NRXN3: variants seen among roughly 807,000 people sequenced by gnomAD.
NRXN3 encodes the protein neurexin III.
A neutral mutation model predicts 137.6 loss-of-function variants in NRXN3; 32 were observed. That is an observed-to-expected ratio of 0.23 (90% CI 0.18 to 0.31). The LOEUF (loss-of-function observed/expected upper bound fraction) is 0.31, where lower values mean the gene tolerates loss of function less well. NRXN3 is among the 10% of genes least tolerant of loss of function. The pLI, the probability that NRXN3 is intolerant of heterozygous loss-of-function variation, is 1.00. For missense variants in NRXN3, 1,574 were observed against 2,062.5 expected (o/e 0.76, Z 4.59); for synonymous variants, 798 against 784.5 (o/e 1.02, Z -0.29).
chr14:78,584,468 C>T (rs1314346490), intron 4 of NRXN3, among the ~76,000 whole-genome samples: 1 of 152,146 alleles, frequency 6.6e-6, no homozygotes, highest in Non-Finnish European at 1.5e-5. Context: ...AGGCTATGGT[C>T]CCAAAGGCTG....
intron 15 of NRXN3, among the ~76,000 whole-genome samples, chr14:79,384,220 G>A (rs2094543010): frequency 6.6e-6 from 1 of 152,068 alleles, no homozygotes; most frequent in South Asian, 2.1e-4. Flanking sequence ...CCCTTTAAGA[G>A]GTTTCTGTCC....
At chr14:78,467,826 A>G (rs2095154741) in intron 4 of NRXN3, among the ~76,000 whole-genome samples, 1 of 152,168 alleles carries the variant, frequency 6.6e-6, no homozygotes, top group Non-Finnish European at 1.5e-5. Flanking sequence ...CCACACAGAC[A>G]CACATACACA....
intron 1 of NRXN3, among the ~76,000 whole-genome samples, chr14:78,174,415 G>A (rs560958082): frequency 3.3e-5 from 5 of 152,236 alleles, no homozygotes; most frequent in South Asian, 2.1e-4. Context: ...TTAGTTGGGA[G>A]GATGGAACAA....
At chr14:79,856,715 T>C (rs992379761) in intron 20 of NRXN3, among the ~76,000 whole-genome samples, 3 of 152,028 alleles carry the variant, frequency 2.0e-5, no homozygotes, top group East Asian at 1.9e-4. Flanking sequence ...TTATACACTG[T>C]CTTTTTTGAT....
chr14:78,636,191 G>C (rs1224259734), intron 4 of NRXN3, among the ~76,000 whole-genome samples: 1 of 152,082 alleles, frequency 6.6e-6, no homozygotes, highest in Non-Finnish European at 1.5e-5. Context: ...TTCTATTGCT[G>C]GTAGAGTTAG....
intron 15 of NRXN3, among the ~76,000 whole-genome samples, chr14:79,184,482 G>T (rs945004479): frequency 6.6e-6 from 1 of 152,188 alleles, no homozygotes; most frequent in Admixed American, 6.5e-5. Context: ...TATGTCAATA[G>T]TGTGTTTATA....
intron 17 of NRXN3, among the ~76,000 whole-genome samples, chr14:79,677,618 A>C (rs955717013): frequency 3.3e-5 from 5 of 152,144 alleles, no homozygotes; most frequent in African/African-American, 4.8e-5. Context: ...GAAATCTAAT[A>C]GTTTTGCTTC....
intron 4 of NRXN3, among the ~76,000 whole-genome samples, chr14:78,522,629 C>T (rs969893047): frequency 6.6e-6 from 1 of 152,174 alleles, no homozygotes; most frequent in Non-Finnish European, 1.5e-5. Context: ...GGTGGAACTT[C>T]CTTTATTCCA....
chr14:78,839,005 C>T (rs2099004781), intron 10 of NRXN3, among the ~76,000 whole-genome samples: 1 of 152,106 alleles, frequency 6.6e-6, no homozygotes, highest in African/African-American at 2.4e-5. Context: ...ATAGTGGGTG[C>T]TGGAGATCCG....
At chr14:79,052,709 CAAGT>C (rs1304523188) in intron 15 of NRXN3, among the ~76,000 whole-genome samples, 3 of 152,338 alleles carry the variant, frequency 2.0e-5, no homozygotes, top group East Asian at 3.9e-4. Flanking sequence ...GGAATTATCT[CAAGT>C]AAGTATCACT....
At chr14:79,470,947 AGAGAGTGT>A (rs761417812) in intron 16 of NRXN3, among the ~76,000 whole-genome samples, 19,972 of 100,128 alleles carry the variant, frequency 0.2, 1,049 homozygotes, top group Admixed American at 0.3. Flanking sequence ...AGAAAGAGAG[AGAGAGTGT>A]GTGTGTGTGT....
chr14:79,804,863 C>A lies in NRXN3; in HGVS notation c.4015-249C>A, dbSNP rs1603545781. 2.0e-5 allele frequency among the ~76,000 whole-genome samples: 3 copies of A among 152,122 alleles called. No homozygotes were observed. The South Asian group carries it at 6.2e-4, about 31-fold the overall frequency. ...ATGGGGATGGGTGAGGCTTAAGTCT[C>A]CTGGAACCATCTTGGGTCACTCAGC... On this transcript the variant is annotated intron_variant, in intron 19 of 20. Transcript: ENST00000335750.
chr14:78,511,599 T>C lies in NRXN3; in HGVS notation c.758-133521T>C, dbSNP rs186201716. Reference sequence around the variant, plus strand: ...CACAGATGGAGAAAGAGATTTTGCATATATATTTTTCTAATTTTCATTTTT... The same window carrying C: ...CACAGATGGAGAAAGAGATTTTGCACATATATTTTTCTAATTTTCATTTTT... On this transcript the variant is annotated intron_variant, in intron 4 of 20. Coordinates refer to ENST00000335750, the MANE Select transcript of NRXN3 (RefSeq NM_001330195.2). Among the ~76,000 whole-genome samples the C allele has an allele frequency of 3.3e-5, 5 of 152,286 alleles. No homozygotes were observed. In the East Asian group the frequency reaches 9.7e-4, roughly 29 times the overall value.
chr14:79,486,941 CT>C, intron 16 of NRXN3, among the ~76,000 whole-genome samples: 1 of 150,836 alleles, frequency 6.6e-6, no homozygotes, highest in Non-Finnish European at 1.5e-5. Context: ...CTCTCTCTCT[CT>C]CTCTCTCTCT....
intron 10 of NRXN3, among the ~76,000 whole-genome samples, chr14:78,908,790 G>T (rs950074924): frequency 3.9e-5 from 6 of 152,172 alleles, no homozygotes; most frequent in Admixed American, 2.0e-4. Context: ...GGTGAGGCTT[G>T]GGTAGAAGAA....
At chr14:79,821,398 A>G (rs548613377) in intron 20 of NRXN3, among the ~76,000 whole-genome samples, 2 of 152,196 alleles carry the variant, frequency 1.3e-5, no homozygotes, top group South Asian at 4.1e-4. Flanking sequence ...CAGTCATGGG[A>G]ACTCTGAACT....
intron 16 of NRXN3, among the ~76,000 whole-genome samples, chr14:79,602,734 A>G (rs1477666731): frequency 6.6e-6 from 1 of 151,188 alleles, no homozygotes; most frequent in Non-Finnish European, 1.5e-5. Flanking sequence ...ATTAGAGAGG[A>G]GCTTTTTTTT....
intron 4 of NRXN3, among the ~76,000 whole-genome samples, chr14:78,506,862 C>A (rs987423618): frequency 1.3e-5 from 2 of 151,926 alleles, no homozygotes; most frequent in African/African-American, 4.8e-5. Flanking sequence ...GTTTATTTCC[C>A]TGATAATTAA....
intron 16 of NRXN3, 23 bp downstream of exon 16, chr14:79,467,425 G>C (rs368390628): frequency 1.7e-5 from 27 of 1,559,404 alleles, no homozygotes. Flanking sequence ...CCTTGGCCTG[G>C]ATTTTCTTAT....
Sources: allele counts gnomAD v4.1 joint callset (sites outside exome capture counted in the v4.1 genomes callset), GRCh38; gene constraint gnomAD v4.1.1; transcripts MANE v1.5; gene names NCBI Gene and HGNC (gene_info 2026-07-23, HGNC 2026-07-21).